POTEF: variants seen among roughly 807,000 people sequenced by gnomAD.
POTEF encodes the protein ANKRD26-like family C member 1B.
In POTEF, 20 loss-of-function variants were observed where a neutral mutation model predicts 83.2. That is an observed-to-expected ratio of 0.24 (90% confidence interval 0.17 to 0.35). POTEF has a LOEUF of 0.35. POTEF is among the 10% of genes least tolerant of loss of function. The pLI is 1.00. For synonymous variants in POTEF, 196 were observed against 446.4 expected, an observed-to-expected ratio of 0.44 and a Z score of 7.07; for missense variants, 550 against 1,203.2, an observed-to-expected ratio of 0.46 and a Z score of 8.03.
intron 2 of POTEF, among the ~76,000 whole-genome samples, chr2:130,125,327 ATAT>A (rs1685067356): frequency 6.7e-6 from 1 of 148,220 alleles, no homozygotes; most frequent in African/African-American, 2.6e-5. Context: ...AAAAATTTAG[ATAT>A]TATCTCTTCA....
rs1683756898 is a variant in POTEF, at chr2:130,075,221, C to A, written c.2251G>T (p.Glu751Ter). 2 of 1,611,460 alleles carry A rather than the reference C, an allele frequency of 1.2e-6. No individual in the cohort carries two copies. Among genetic ancestry groups the A allele is most frequent in the Non-Finnish European group, 8.5e-7 (1 of 1,179,824 alleles). The change falls in exon 17 of 17, where the codon GAG (glutamate) becomes TAG (stop). Residue 751 changes from glutamate (E) to a stop codon, truncating the protein, a stop_gained. Transcript: ENST00000409914. LOFTEE classifies it high-confidence loss of function. The part of the protein sequence containing the change: ...QGMMGGMHQK[E>*]SYVGKEAQSK... ...TGGGCCTCCTTGCCCACATAGGACT[C>A]TTTCTGATGCATGCCCCCCATCATG... is the stretch of plus-strand genomic sequence containing the variant.
At chr2:130,075,873 C>T (rs1683787023) in intron 16 of POTEF, among the ~76,000 whole-genome samples, 1 of 148,760 alleles carries the variant, frequency 6.7e-6, no homozygotes, top group Non-Finnish European at 1.5e-5. Context: ...TTTAAGAATC[C>T]CAGAATTAAA....
chr2:130,121,135 G>A (rs1335946317), intron 2 of POTEF, among the ~76,000 whole-genome samples: 1 of 150,904 alleles, frequency 6.6e-6, no homozygotes, highest in South Asian at 2.1e-4. Flanking sequence ...GTGCGCGTGC[G>A]CGTGCGGCGT....
chr2:130,128,741 C>A (rs1037367770), intron 1 of POTEF, among the ~76,000 whole-genome samples: 1 of 129,720 alleles, frequency 7.7e-6, no homozygotes, highest in Admixed American at 8.0e-5. Context: ...AAACCACCCC[C>A]CGCTGCCAGC....
At chr2:130,111,325 G>A (rs2104816324) in intron 6 of POTEF, among the ~76,000 whole-genome samples, 1 of 151,124 alleles carries the variant, frequency 6.6e-6, no homozygotes, top group Non-Finnish European at 1.5e-5. Context: ...CCAAAGCCTA[G>A]CTCTTTTCTC....
chr2:130,120,363 G>C lies in POTEF; in HGVS notation c.153C>G (p.Asp51Glu). ...SNVGTSGDHD[D>E]SAMKTLRSKM... Reference sequence around the variant, plus strand: ...TGCTCCTGAGTGTCTTCATAGCAGAGTCGTCGTGGTCTCCAGAAGTGCCCA... The same window carrying C: ...TGCTCCTGAGTGTCTTCATAGCAGACTCGTCGTGGTCTCCAGAAGTGCCCA... The change falls in exon 3 of 17, where the codon GAC becomes GAG. Residue 51 changes from aspartate to glutamate, a missense_variant. Asp to Glu is a conservative substitution (Grantham distance 45, BLOSUM62 2). Coordinates refer to ENST00000409914, the MANE Select transcript of POTEF (RefSeq NM_001099771.2). 2 of 1,602,006 alleles carry C rather than the reference G, an allele frequency of 1.2e-6. No homozygotes were observed. Among genetic ancestry groups the C allele is most frequent in the Non-Finnish European group, 1.7e-6 (2 of 1,171,198 alleles).
At position 130,074,909 on chromosome 2, in the gene POTEF, A is replaced by T; in HGVS notation, c.2563T>A (p.Ser855Thr). The change falls in exon 17 of 17, where the codon TCT (serine) becomes ACT (threonine). Residue 855 changes from serine to threonine, a missense_variant. Coordinates refer to ENST00000409914, the MANE Select transcript of POTEF (RefSeq NM_001099771.2). ...SGRTTGIVMD[S>T]GDGVTHTVPI... ...ACAGTGTGGGTGACCCCGTCACCAG[A>T]GTCCATCACGATGCCAGTAGTACGG... is the stretch of plus-strand genomic sequence containing the variant. The T allele has an allele frequency of 1.9e-6, 3 of 1,599,678 alleles. No homozygotes were observed. The highest frequency in any genetic ancestry group is 2.6e-6 in the Non-Finnish European group (3 of 1,175,164).
intron 2 of POTEF, among the ~76,000 whole-genome samples, chr2:130,127,461 G>A (rs1685125961): frequency 6.7e-6 from 1 of 149,364 alleles, no homozygotes; most frequent in East Asian, 2.0e-4. Flanking sequence ...TGCAAGAGAA[G>A]GGGGAGGACT....
Position 130,075,435 on chromosome 2 carries a change from A to C in POTEF, c.2037T>G (p.Asp679Glu). 5.0e-6 allele frequency: 8 copies of C among 1,611,434 alleles called. No homozygotes were observed. Among genetic ancestry groups the C allele is most frequent in the Non-Finnish European group, 6.8e-6 (8 of 1,179,646 alleles). The change falls in exon 17 of 17, where the codon GAT becomes GAG. Residue 679 changes from aspartate (D) to glutamate (E), a missense_variant. Coordinates refer to ENST00000409914, the MANE Select transcript of POTEF (RefSeq NM_001099771.2). ...CATTCCTTTTTTTCACACTTTCAAT[A>C]TCCTCCAAATATTTCTTTTCTCTTA... ...SQLREKKYLE[D>E]IESVKKRNDN... is the part of the protein sequence containing the mutation.
Position 130,105,440 on chromosome 2 carries a change from G to A in POTEF, c.1126+2569C>T, listed in dbSNP as rs2599852. On this transcript the variant is annotated intron_variant, in intron 8 of 16. Transcript: ENST00000409914. ...CAAGGAAACTATAGCTGACTACTGC[G>A]AAAACTTCCTTTGTCTCCTGGTTTC... Among the ~76,000 whole-genome samples, 381 of 151,748 alleles carry A rather than the reference G, an allele frequency of 2.5e-3. 10 individuals are homozygous for A. The highest frequency in any genetic ancestry group is 8.5e-3 in the African/African-American group (348 of 41,052).
chr2:130,113,323 C>A, intron 5 of POTEF, among the ~76,000 whole-genome samples: 1 of 96,854 alleles, frequency 1.0e-5, no homozygotes, highest in African/African-American at 3.8e-5. Flanking sequence ...GCCTGGGAAA[C>A]AGAGTGAGAC....
intron 3 of POTEF, among the ~76,000 whole-genome samples, chr2:130,118,551 G>A (rs1266593281): frequency 6.6e-6 from 1 of 150,666 alleles, no homozygotes; most frequent in African/African-American, 2.4e-5. Flanking sequence ...AAAGCAATTA[G>A]CCAGGCGTGG....
intron 12 of POTEF, among the ~76,000 whole-genome samples, chr2:130,091,287 A>ATG (rs1684118258): frequency 9.3e-6 from 1 of 107,236 alleles, no homozygotes; most frequent in Non-Finnish European, 1.9e-5. Context: ...CAGAAAAAAC[A>ATG]TAAGTCTATT....
intron 9 of POTEF, 123 bp from the exon 10 acceptor site, chr2:130,100,843 G>T (rs1684350888): frequency 1.5e-6 from 1 of 676,936 alleles, no homozygotes; most frequent in Admixed American, 4.1e-5. Flanking sequence ...TGAAAAATTA[G>T]AAAATAATTA....
chr2:130,083,384 A>G (rs1384844930), intron 15 of POTEF, among the ~76,000 whole-genome samples: 1 of 152,076 alleles, frequency 6.6e-6, no homozygotes. Context: ...GCCATGAGAA[A>G]CAACAATGTC....
At chr2:130,125,655 A>G (rs565048468) in intron 2 of POTEF, among the ~76,000 whole-genome samples, 3 of 152,112 alleles carry the variant, frequency 2.0e-5, no homozygotes, top group East Asian at 3.9e-4. Context: ...TTTGCCTTAA[A>G]ATACACACAG....
intron 5 of POTEF, among the ~76,000 whole-genome samples, chr2:130,113,101 G>A (rs1684754396): frequency 7.0e-6 from 1 of 142,098 alleles, no homozygotes; most frequent in South Asian, 2.2e-4. Flanking sequence ...GTCAGACTAG[G>A]TCAGGAATGG....
At chr2:130,117,694 T>C (rs1453149000) in intron 3 of POTEF, among the ~76,000 whole-genome samples, 1 of 151,982 alleles carries the variant, frequency 6.6e-6, no homozygotes, top group East Asian at 1.9e-4. Context: ...GAAATCTTTA[T>C]ATGGGTTCTT....
intron 2 of POTEF, among the ~76,000 whole-genome samples, chr2:130,124,496 A>G (rs1460470303): frequency 7.2e-6 from 1 of 139,604 alleles, no homozygotes; most frequent in Non-Finnish European, 1.5e-5. Context: ...TTAGGACAAC[A>G]ATTTGCCATA....
Sources: gnomAD v4.1 joint callset for allele counts (sites outside exome capture counted in the v4.1 genomes callset) on GRCh38, gnomAD v4.1.1 for gene constraint, MANE v1.5 for transcripts, NCBI Gene and HGNC (gene_info 2026-07-23, HGNC 2026-07-21) for gene names.